SMYD5: variants seen among roughly 807,000 people sequenced by gnomAD.
SMYD5 encodes SMYD family member 5, also known as protein-lysine N-trimethyltransferase SMYD5.
In SMYD5, 35 loss-of-function variants were observed where a neutral mutation model predicts 57.4. The observed-to-expected ratio is 0.61, with a 90% confidence interval of 0.47 to 0.81. SMYD5 has a LOEUF of 0.81. SMYD5 is among the 30% of genes least tolerant of loss of function. SMYD5 has a pLI of 0.00. For missense variants in SMYD5, 471 were observed against 527.9 expected, an observed-to-expected ratio of 0.89 and a Z score of 1.06; for synonymous variants, 198 against 189.7, an observed-to-expected ratio of 1.04 and a Z score of -0.36.
rs757205759 is a variant in SMYD5 at position 73,223,457 on chromosome 2, ACT to A, written c.811_812del (p.Leu271GlyfsTer8). ...AAGCCAGTGGGTCCATGCCTGTGACACTCTGGAGTTGAAGCCTCAGGACCGTG... is the reference window on the plus strand; with the variant it reads ...AAGCCAGTGGGTCCATGCCTGTGACACTGGAGTTGAAGCCTCAGGACCGTG... ...SLSQWVHACD[T>X]LELKPQDREQ... On this transcript the variant is annotated frameshift_variant, in exon 9 of 13. Transcript: ENST00000389501. LOFTEE classifies it high-confidence loss of function. 6.2e-7 allele frequency: 1 copy of A among 1,613,858 alleles called. No homozygotes were observed. Among genetic ancestry groups the A allele is most frequent in the Non-Finnish European group, 8.5e-7 (1 of 1,179,874 alleles).
chr2:73,214,597 G>C, intron 1 of SMYD5: 3 of 1,506,598 alleles, frequency 2.0e-6, no homozygotes, highest in East Asian at 2.5e-5. Context: ...AGCGGAATTC[G>C]GCCAGCCCGC....
chr2:73,218,789 A>G, intron 1 of SMYD5, 72 bp from the exon 2 acceptor site: 1 of 1,114,688 alleles, frequency 9.0e-7, no homozygotes. Flanking sequence ...GAGGCTGGAC[A>G]GCCTCCTGGA....
intron 2 of SMYD5, chr2:73,219,847 G>A (rs1200708755): frequency 1.6e-5 from 11 of 686,936 alleles, no homozygotes; most frequent in South Asian, 1.2e-4. Context: ...AGAGGGAGGA[G>A]GGGATCATCT....
Position 73,223,936 on chromosome 2 carries a change from C to A in SMYD5, c.884-11C>A. The A allele has an allele frequency of 6.2e-7, 1 of 1,613,002 alleles. No individual in the cohort carries two copies. Among genetic ancestry groups the A allele is most frequent in the Non-Finnish European group, 8.5e-7 (1 of 1,178,954 alleles). ...TGGGTAGAATAATGTGTGTGTATTA[C>A]TGTCTTACAGCAACTGGAGAGTTTC... On this transcript the variant is annotated splice_polypyrimidine_tract_variant and intron_variant, in intron 9 of 12. Coordinates refer to ENST00000389501, the MANE Select transcript of SMYD5 (RefSeq NM_006062.3).
At chr2:73,222,626 G>C in intron 6 of SMYD5, 129 bp from the exon 7 acceptor site, 1 of 721,246 alleles carries the variant, frequency 1.4e-6, no homozygotes, top group Admixed American at 2.5e-5. Flanking sequence ...GCCTTCCTTT[G>C]CCCCTACGGA....
chr2:73,214,550 AC>A (rs1474681250), intron 1 of SMYD5, 188 bp downstream of exon 1: 12 of 1,484,698 alleles, frequency 8.1e-6, no homozygotes, highest in African/African-American at 4.2e-5. Context: ...CACGCGATAG[AC>A]CCGGGCCTCC....
rs765982217 is a variant in SMYD5 at position 73,218,962 on chromosome 2, C to G, written c.198C>G (p.Arg66=). The G allele has an allele frequency of 2.5e-6, 4 of 1,611,340 alleles. No homozygotes were observed. In the South Asian group the frequency reaches 4.4e-5, roughly 18 times the overall value. ...AAQFLWNALY[R]YRACDHCLRA... The stretch of plus-strand genomic sequence containing the variant: ...AGTTTCTCTGGAATGCACTTTATCG[C>G]TACCGAGGTGAGTACATCTCTCCTA... Residue 66 remains arginine (R), a synonymous_variant, in exon 2 of 13, where the codon CGC becomes CGG. Transcript: ENST00000389501.
In SMYD5 at chr2:73,223,544, A is replaced by T. The variant is rs769176906; in HGVS notation, c.883+12A>T. 5 of 1,588,654 alleles carry T rather than the reference A, an allele frequency of 3.1e-6. No homozygotes were observed. The East Asian group carries it at 1.1e-4, about 35-fold the overall frequency. ...GGACATCGAGGCAGGTTGGTGAGAT[A>T]GGGCCTTGGCCTCACCCAGCCATGG... On this transcript the variant is annotated intron_variant, in intron 9 of 12. Coordinates refer to ENST00000389501, the MANE Select transcript of SMYD5 (RefSeq NM_006062.3).
At chr2:73,223,850 C>T in intron 9 of SMYD5, 97 bp from the exon 10 acceptor site, 1 of 1,136,670 alleles carries the variant, frequency 8.8e-7, no homozygotes, top group Non-Finnish European at 1.3e-6. Context: ...GGTGGGGTTG[C>T]AGGACAGTGG....
At position 73,225,715 on chromosome 2, in the gene SMYD5, A is replaced by G. The variant is rs1574342984; in HGVS notation, c.1106+14A>G. 1 of 1,614,178 alleles carries G rather than the reference A, an allele frequency of 6.2e-7. No homozygotes were observed. On this transcript the variant is annotated intron_variant, in intron 12 of 12. Transcript: ENST00000389501. ...CAAGATCCTCAGGTGCCAGCTGGGG[A>G]CATGGTTGTGCAGCTGGGCTCTGGG...
intron 1 of SMYD5, among the ~76,000 whole-genome samples, chr2:73,215,757 C>G (rs1015084568): frequency 6.6e-6 from 1 of 152,176 alleles, no homozygotes; most frequent in African/African-American, 2.4e-5. Context: ...AGCTGATTGC[C>G]CTCTCCTTGC....
chr2:73,215,934 T>C (rs554568111), intron 1 of SMYD5, among the ~76,000 whole-genome samples: 1 of 152,324 alleles, frequency 6.6e-6, no homozygotes, highest in East Asian at 1.9e-4. Flanking sequence ...TTGTTTTTTT[T>C]TGGTAAAACA....
chr2:73,214,270 G>A lies in SMYD5; in HGVS notation c.4G>A (p.Ala2Thr), dbSNP rs777237749. ...ATAAGGCGGAGGCGCGCCCAAGATG[G>A]CGGCCTCCATGTGCGACGTGTTCTC... is the stretch of plus-strand genomic sequence containing the variant. M[A>T]ASMCDVFSFC... The change falls in exon 1 of 13, where the codon GCG (alanine) becomes ACG (threonine). Residue 2 changes from alanine (A) to threonine (T), a missense_variant. Transcript: ENST00000389501. The A allele has an allele frequency of 1.2e-6, 2 of 1,613,676 alleles. No individual in the cohort carries two copies. The highest frequency in any genetic ancestry group is 1.7e-6 in the Non-Finnish European group (2 of 1,179,840).
intron 11 of SMYD5, chr2:73,225,194 T>C (rs1397986810): frequency 2.0e-6 from 1 of 510,416 alleles, no homozygotes; most frequent in Non-Finnish European, 3.5e-6. Context: ...ACCTATGTGC[T>C]CAGATTCTTG....
chr2:73,221,652 T>C (rs1686398838), intron 5 of SMYD5, among the ~76,000 whole-genome samples, 174 bp from the exon 6 acceptor site: 1 of 152,168 alleles, frequency 6.6e-6, no homozygotes, highest in Non-Finnish European at 1.5e-5. Context: ...TGTTGTTGAA[T>C]TGGCTATCTT....
chr2:73,225,778 C>T lies in SMYD5; in HGVS notation c.1107-18C>T, dbSNP rs1431485734. 6.2e-7 allele frequency: 1 copy of T among 1,614,074 alleles called. No individual in the cohort carries two copies. Among genetic ancestry groups the T allele is most frequent in the Non-Finnish European group, 8.5e-7 (1 of 1,179,944 alleles). ...TAGCTCCCTGACTTTTCCCCCTCAC[C>T]ATCCCCCACCGCTGCAGGGAGAACT... On this transcript the variant is annotated intron_variant, in intron 12 of 12. Transcript: ENST00000389501.
Position 73,214,316 on chromosome 2 carries a change from G to GCC in SMYD5, c.51_52dup (p.Arg18ProfsTer12), listed in dbSNP as rs774881422. The GCC allele has an allele frequency of 6.2e-7, 1 of 1,613,598 alleles. No homozygotes were observed. The highest frequency in any genetic ancestry group is 8.5e-7 in the Non-Finnish European group (1 of 1,179,848). ...TTCTCCTTCTGCGTGGGCGTGGCGG[G>GCC]CCGCGCGCGGGTCTCCGTGGAAGTC... On this transcript the variant is annotated frameshift_variant, in exon 1 of 13. Coordinates refer to ENST00000389501, the MANE Select transcript of SMYD5 (RefSeq NM_006062.3). LOFTEE classifies it high-confidence loss of function.
rs775197546 is a variant in SMYD5 at position 73,225,692 on chromosome 2, A to G, written c.1097A>G (p.Lys366Arg). The change falls in exon 12 of 13, where the codon AAG becomes AGG. Residue 366 changes from lysine to arginine, a missense_variant. Transcript: ENST00000389501. ...GAGCGCAGCCGCCACAGCCGCCACA[A>G]GATCCTCAGGTGCCAGCTGGGGACA... ...QRERSRHSRH[K>R]ILRENYLFVC... is the part of the protein sequence containing the mutation. The G allele has an allele frequency of 6.2e-7, 1 of 1,614,218 alleles. No homozygotes were observed. Among genetic ancestry groups the G allele is most frequent in the Non-Finnish European group, 8.5e-7 (1 of 1,180,032 alleles).
At chr2:73,221,714 A>C (rs938246949) in intron 5 of SMYD5, 112 bp from the exon 6 acceptor site, 28 of 743,566 alleles carry the variant, frequency 3.8e-5, no homozygotes, top group Non-Finnish European at 5.1e-5. Context: ...AGGAAGCCTC[A>C]GGCAGAGGAA....
Sources: gnomAD v4.1 joint callset for allele counts (sites outside exome capture counted in the v4.1 genomes callset) on GRCh38, gnomAD v4.1.1 for gene constraint, MANE v1.5 for transcripts, NCBI Gene and HGNC (gene_info 2026-07-23, HGNC 2026-07-21) for gene names.